The following RDX variants were observed in gnomAD, a reference collection of about 807,000 sequenced individuals.
The protein encoded by RDX is deafness, autosomal recessive 24.
Under a neutral mutation model 83.7 loss-of-function variants are expected in RDX, and 32 were observed. That is an observed-to-expected ratio of 0.38 (90% confidence interval 0.29 to 0.51). The LOEUF (loss-of-function observed/expected upper bound fraction) is 0.51. Among genes scored for constraint, RDX ranks in the 20% least tolerant of loss-of-function variants. The pLI is 0.87. For missense variants in RDX, 600 were observed against 689.9 expected (o/e 0.87, Z 1.46); for synonymous variants, 229 against 222.7 (o/e 1.03, Z -0.25).
rs754733997 is a variant in RDX at position 110,233,412 on chromosome 11, G to T, written c.1412C>A (p.Pro471His). Residue 471 changes from proline (P) to histidine (H), a missense_variant, in exon 13 of 14, where the codon CCT becomes CAT. Coordinates refer to ENST00000645495, the MANE Select transcript of RDX (RefSeq NM_002906.4). ...AATGACTGGTGGTGGTGGAGGTGGA[G>T]GGGGGGCAGACATCACAGTTTTTAA... ...EELKTVMSAP[P>H]PPPPPPVIPP... 14 of 1,613,894 alleles carry T rather than the reference G, an allele frequency of 8.7e-6. No homozygotes were observed. The highest frequency in any genetic ancestry group is 1.1e-5 in the Non-Finnish European group (13 of 1,179,872).
rs561233933 is a variant in RDX at position 110,209,494 on chromosome 11, A to C, written c.1749-9816T>G. Among the ~76,000 whole-genome samples, 76 of 152,364 alleles carry C rather than the reference A, an allele frequency of 5.0e-4. 1 individual carries two copies. Among genetic ancestry groups the C allele is most frequent in the African/African-American group, 1.7e-3 (70 of 41,592 alleles). On this transcript the variant is annotated intron_variant, in intron 14 of 15. Coordinates refer to the RDX transcript ENST00000528498. ...AACTGGGTGGAGCCCACCACAGCTCAAGGAGGACTGCCTGCCTCTGTAGGC... is the reference window on the plus strand; with the variant it reads ...AACTGGGTGGAGCCCACCACAGCTCCAGGAGGACTGCCTGCCTCTGTAGGC...
intron 1 of RDX, among the ~76,000 whole-genome samples, chr11:110,281,466 A>G (rs1361613064): frequency 6.6e-6 from 1 of 152,016 alleles, no homozygotes; most frequent in Non-Finnish European, 1.5e-5. Flanking sequence ...AGCTGGAATT[A>G]CAAGCGTCCA....
chr11:110,209,923 C>T (rs969865640), intron 14 of RDX, among the ~76,000 whole-genome samples: 3 of 148,836 alleles, frequency 2.0e-5, no homozygotes, highest in Admixed American at 6.7e-5. Context: ...CTCTAAAAAG[C>T]AGAGTGCCTC....
intron 3 of RDX, among the ~76,000 whole-genome samples, chr11:110,265,592 G>GT (rs1347462710): frequency 1.3e-5 from 2 of 151,842 alleles, no homozygotes; most frequent in Non-Finnish European, 2.9e-5. Context: ...AGGGCAAATG[G>GT]TATCATTTTG....
downstream of RDX, among the ~76,000 whole-genome samples, chr11:110,227,483 G>A (rs1864472173): frequency 6.6e-6 from 1 of 152,040 alleles, no homozygotes; most frequent in African/African-American, 2.4e-5. Flanking sequence ...ATTAGAATAG[G>A]GTGGTAAAAA....
At chr11:110,283,874 T>G (rs1860868848) in intron 1 of RDX, among the ~76,000 whole-genome samples, 1 of 150,908 alleles carries the variant, frequency 6.6e-6, no homozygotes, top group South Asian at 2.1e-4. Flanking sequence ...TAAAAAAGAG[T>G]AGAAAAATTT....
At chr11:110,177,528 G>GC (rs1204441777) in intron 15 of RDX, among the ~76,000 whole-genome samples, 1 of 152,146 alleles carries the variant, frequency 6.6e-6, no homozygotes, top group Non-Finnish European at 1.5e-5. Flanking sequence ...GACATATGCA[G>GC]CCCCCCAAAT....
At chr11:110,272,406 A>G (rs1283768584) in intron 3 of RDX, 130 bp downstream of exon 3, 1 of 703,246 alleles carries the variant, frequency 1.4e-6, no homozygotes, top group Non-Finnish European at 2.6e-6. Flanking sequence ...ATATCTGAAT[A>G]GCTACTATGA....
At chr11:110,195,013 C>G (rs774165821) in intron 15 of RDX, among the ~76,000 whole-genome samples, 1 of 147,944 alleles carries the variant, frequency 6.8e-6, no homozygotes, top group Non-Finnish European at 1.5e-5. Flanking sequence ...TTGTTTGAGA[C>G]AGGATCTCGC....
intron 14 of RDX, among the ~76,000 whole-genome samples, chr11:110,208,393 G>A (rs1041697315): frequency 6.6e-6 from 1 of 152,016 alleles, no homozygotes; most frequent in Non-Finnish European, 1.5e-5. Context: ...CACCCTCCTC[G>A]CTGGCTCTCT....
chr11:110,214,513 A>G (rs1257447896), intron 14 of RDX, among the ~76,000 whole-genome samples: 29 of 121,902 alleles, frequency 2.4e-4, no homozygotes, highest in African/African-American at 8.6e-4. Context: ...AGGACTATAA[A>G]TCATGCTGCT....
At chr11:110,206,679 G>T (rs1218459612) in intron 14 of RDX, among the ~76,000 whole-genome samples, 2 of 152,064 alleles carry the variant, frequency 1.3e-5, no homozygotes, top group Non-Finnish European at 2.9e-5. Flanking sequence ...TGTTATAAAT[G>T]AATCTCTAGT....
intron 10 of RDX, among the ~76,000 whole-genome samples, chr11:110,245,339 A>T (rs1345428713): frequency 6.6e-6 from 1 of 152,196 alleles, no homozygotes. Flanking sequence ...GGCCAAATGC[A>T]GGAGAATCAC....
intron 14 of RDX, chr11:110,199,725 C>T (rs1310166443): frequency 8.5e-6 from 6 of 702,790 alleles, no homozygotes; most frequent in African/African-American, 3.5e-5. Context: ...AGCAAAAGAA[C>T]ACAGTAGGAA....
chr11:110,232,086 A>T, intron 13 of RDX, 53 bp from the exon 14 acceptor site: 1 of 1,404,932 alleles, frequency 7.1e-7, no homozygotes, highest in Non-Finnish European at 9.9e-7. Flanking sequence ...ATTTAAAAAA[A>T]TTTATGAAAA....
intron 10 of RDX, among the ~76,000 whole-genome samples, chr11:110,240,306 T>G (rs1182812338): frequency 2.1e-5 from 3 of 145,840 alleles, no homozygotes; most frequent in Non-Finnish European, 4.6e-5. Flanking sequence ...AACTATTGCA[T>G]GTTTTCACTC....
At chr11:110,256,006 T>G (rs1349541674) in intron 7 of RDX, among the ~76,000 whole-genome samples, 2 of 152,198 alleles carry the variant, frequency 1.3e-5, no homozygotes, top group African/African-American at 4.8e-5. Context: ...CTCTTGAGAC[T>G]ATACACAGCA....
intron 1 of RDX, among the ~76,000 whole-genome samples, chr11:110,281,722 T>C (rs541825448): frequency 2.6e-5 from 4 of 152,136 alleles, no homozygotes; most frequent in Non-Finnish European, 4.4e-5. Context: ...CCTAAATGTA[T>C]TTCAGTCCAA....
intron 14 of RDX, among the ~76,000 whole-genome samples, chr11:110,207,623 T>C (rs937857937): frequency 1.3e-5 from 2 of 152,130 alleles, no homozygotes; most frequent in African/African-American, 2.4e-5. Flanking sequence ...TTTTACCTTT[T>C]TTTTTTAAAC....
Sources: gnomAD v4.1 joint callset for allele counts (sites outside exome capture counted in the v4.1 genomes callset) on GRCh38, gnomAD v4.1.1 for gene constraint, MANE v1.5 for transcripts, NCBI Gene and HGNC (gene_info 2026-07-23, HGNC 2026-07-21) for gene names.